The following DELE1 variants were observed in gnomAD, a reference collection of about 807,000 sequenced individuals.
DELE1 encodes the protein DAP3 binding cell death enhancer 1.
A neutral mutation model predicts 59.3 loss-of-function variants in DELE1; 54 were observed. The ratio of observed to expected loss-of-function variants is 0.91; its 90% CI spans 0.73 to 1.14. DELE1 has a LOEUF of 1.14. Among genes scored for constraint, DELE1 ranks in the 50% most tolerant of loss-of-function variants. The pLI is 0.00. For synonymous variants in DELE1, 264 were observed against 259.1 expected, an observed-to-expected ratio of 1.02 and a Z score of -0.18; for missense variants, 636 against 643.9, an observed-to-expected ratio of 0.99 and a Z score of 0.13.
chr5:141,925,374 T>G, intron 2 of DELE1, 36 bp from the exon 3 acceptor site: 1 of 1,433,850 alleles, frequency 7.0e-7, no homozygotes, highest in African/African-American at 1.4e-5. Context: ...GGTCTCCCTT[T>G]GCCCCTACTT....
rs746620409 is a variant in DELE1 at position 141,940,031 on chromosome 5, G to A, written c.*1272G>A. 24 of 985,408 alleles carry A rather than the reference G, an allele frequency of 2.4e-5. No individual in the cohort carries two copies. The highest frequency in any genetic ancestry group is 2.8e-5 in the Non-Finnish European group (23 of 829,886). The allele number at this position is 985,408 out of a possible 1,614,324, so 61.0% of individuals were successfully genotyped here. On this transcript the variant is annotated 3_prime_UTR_variant, in exon 12 of 12. Transcript: ENST00000432126. ...TTATGACTGTCCTACCCATGGGAGA[G>A]TAAATGTAGATTGAATGCTAGGAGT... is the stretch of plus-strand genomic sequence containing the variant.
At position 141,941,949 on chromosome 5, in the gene DELE1, C is replaced by A. The variant is rs1295093756; in HGVS notation, c.*3190C>A. On this transcript the variant is annotated 3_prime_UTR_variant, in exon 12 of 12. Transcript: ENST00000432126. ...ATAATTCTGTATTGCCCCCCACTCG[C>A]CGCCTATACACACGCACACACGCAC... The A allele has an allele frequency of 6.1e-6, 6 of 985,024 alleles. No homozygotes were observed. The South Asian group carries it at 2.8e-4, about 46-fold the overall frequency. The allele number at this position is 985,024 out of a possible 1,614,324, so 61.0% of individuals were successfully genotyped here. A position where few individuals can be genotyped will look rare whatever the true frequency, so the allele number is the denominator to read the frequency against.
At position 141,924,514 on chromosome 5, in the gene DELE1, G is replaced by T. The variant is rs1290102910; in HGVS notation, c.32-67G>T. 5 of 918,058 alleles carry T rather than the reference G, an allele frequency of 5.4e-6. No homozygotes were observed. The African/African-American group carries it at 6.5e-5, about 12-fold the overall frequency. The allele number at this position is 918,058 out of a possible 1,614,324, so 56.9% of individuals were successfully genotyped here. ...TGTGTATCCATGTTTAAGAACCTCT[G>T]CTGAGGCAGATGACAGTGATTCCTG... On this transcript the variant is annotated intron_variant, in intron 1 of 11. Transcript: ENST00000432126.
chr5:141,932,130 T>C (rs565585060), intron 7 of DELE1, among the ~76,000 whole-genome samples: 3 of 152,150 alleles, frequency 2.0e-5, no homozygotes, highest in Non-Finnish European at 4.4e-5. Flanking sequence ...TAAGCCTGAG[T>C]GTGGTCCGAA....
chr5:141,925,508 T>G lies in DELE1; in HGVS notation c.245T>G (p.Leu82Arg). ...WMSSRVSPNT[L>R]WDAISWGTLA... is the part of the protein sequence containing the mutation. ...TCTTCCCGTGTCTCCCCGAACACCC[T>G]ATGGGATGCCATATCTTGGGTAAGG... is the stretch of plus-strand genomic sequence containing the variant. The change falls in exon 3 of 12, where the codon CTA (leucine) becomes CGA (arginine). Residue 82 changes from leucine (L) to arginine (R), a missense_variant. Coordinates refer to ENST00000432126, the MANE Select transcript of DELE1 (RefSeq NM_014773.5). The G allele has an allele frequency of 6.3e-7, 1 of 1,594,010 alleles. No homozygotes were observed. Among genetic ancestry groups the G allele is most frequent in the South Asian group, 1.1e-5 (1 of 88,336 alleles).
chr5:141,927,707 AGCCTAATGG>A (rs1751532309), intron 3 of DELE1, among the ~76,000 whole-genome samples: 2 of 152,190 alleles, frequency 1.3e-5, no homozygotes, highest in African/African-American at 4.8e-5. Context: ...CTGGAAAGAG[AGCCTAATGG>A]GGAACTCTGA....
In DELE1 at chr5:141,938,833, CA is replaced by C. The variant is rs1308701813; in HGVS notation, c.*75del. The stretch of plus-strand genomic sequence containing the variant: ...AGGAGGTTGGATAACAAAAATAGAG[CA>C]TCAGCAACCCTTTCCAGGTAGAAAT... On this transcript the variant is annotated 3_prime_UTR_variant, in exon 12 of 12. Transcript: ENST00000432126. 1.3e-6 allele frequency: 2 copies of C among 1,512,272 alleles called. No homozygotes were observed. The highest frequency in any genetic ancestry group is 1.8e-6 in the Non-Finnish European group (2 of 1,135,988). The allele number at this position is 1,512,272 out of a possible 1,614,324, so 93.7% of individuals were successfully genotyped here. A position where few individuals can be genotyped will look rare whatever the true frequency, so the allele number is the denominator to read the frequency against.
Position 141,938,865 on chromosome 5 carries a change from C to T in DELE1, c.*106C>T, listed in dbSNP as rs543188591. On this transcript the variant is annotated 3_prime_UTR_variant, in exon 12 of 12. Transcript: ENST00000432126. ...AACCCTTTCCAGGTAGAAATTCCAG[C>T]GGGAGTTCAGGTTCCCAAGCAATTT... The T allele has an allele frequency of 2.0e-5, 30 of 1,495,248 alleles. No homozygotes were observed. The highest frequency in any genetic ancestry group is 7.0e-5 in the African/African-American group (5 of 71,574). 92.6% of individuals were successfully genotyped at this position (1,495,248 alleles called of 1,614,324 possible).
chr5:141,938,072 C>A (rs1325259706), intron 11 of DELE1, among the ~76,000 whole-genome samples: 1 of 151,860 alleles, frequency 6.6e-6, no homozygotes, highest in African/African-American at 2.4e-5. Flanking sequence ...GCGATCCACC[C>A]GCCTCGGCCT....
Position 141,940,261 on chromosome 5 carries a change from A to T in DELE1, c.*1502A>T. 4 of 985,434 alleles carry T rather than the reference A, an allele frequency of 4.1e-6. No homozygotes were observed. Among genetic ancestry groups the T allele is most frequent in the Non-Finnish European group, 4.8e-6 (4 of 829,938 alleles). 61.0% of individuals were successfully genotyped at this position (985,434 alleles called of 1,614,324 possible). A position where few individuals can be genotyped will look rare whatever the true frequency, so the allele number is the denominator to read the frequency against. ...AACTCTCCACTAACCAATTTAAAGG[A>T]TCTTAAAAGCTTCTCCAGGAGAGAG... On this transcript the variant is annotated 3_prime_UTR_variant, in exon 12 of 12. Coordinates refer to ENST00000432126, the MANE Select transcript of DELE1 (RefSeq NM_014773.5).
intron 1 of DELE1, 84 bp from the exon 2 acceptor site, chr5:141,924,497 C>T (rs1377260549): frequency 1.9e-5 from 15 of 790,778 alleles, no homozygotes. Context: ...CATGTGTATC[C>T]ATGTTTAAGA....
intron 3 of DELE1, among the ~76,000 whole-genome samples, chr5:141,926,733 G>A (rs1271586829): frequency 6.6e-6 from 1 of 152,216 alleles, no homozygotes; most frequent in Non-Finnish European, 1.5e-5. Flanking sequence ...GGGGAGCTGT[G>A]GACTAAGGCC....
chr5:141,937,770 C>CCAA (rs1752486054), intron 11 of DELE1, among the ~76,000 whole-genome samples: 1 of 61,268 alleles, frequency 1.6e-5, no homozygotes, highest in Non-Finnish European at 3.0e-5. Context: ...GATTCTGTTT[C>CCAA]AAAAAAAAAA....
intron 10 of DELE1, chr5:141,936,714 T>G: frequency 2.1e-5 from 5 of 234,784 alleles, no homozygotes; most frequent in Non-Finnish European, 2.8e-5. Flanking sequence ...ATTACAGGTG[T>G]GAGCCACCGC....
rs897965589 is a variant in DELE1, at chr5:141,936,912, C to T, written c.1150-286C>T. The T allele has an allele frequency of 7.1e-6, 7 of 985,240 alleles. No individual in the cohort carries two copies. In the African/African-American group the frequency reaches 1.0e-4, roughly 15 times the overall value. 61.0% of individuals were successfully genotyped at this position (985,240 alleles called of 1,614,324 possible). ...TAACTGGCCTGAGTGTTTCCTGTAG[C>T]CTTCGTTGTGCATGCTTTCAGCCAG... On this transcript the variant is annotated intron_variant, in intron 10 of 11. Transcript: ENST00000432126.
At chr5:141,938,134 GT>G (rs2126900725) in intron 11 of DELE1, among the ~76,000 whole-genome samples, 1 of 152,208 alleles carries the variant, frequency 6.6e-6, no homozygotes, top group East Asian at 1.9e-4. Flanking sequence ...TCAAACCTGA[GT>G]TTTAACCCCC....
intron 1 of DELE1, 49 bp from the exon 2 acceptor site, chr5:141,924,532 G>A: frequency 9.3e-7 from 1 of 1,070,990 alleles, no homozygotes; most frequent in Non-Finnish European, 1.5e-6. Flanking sequence ...AGATGACAGT[G>A]ATTCCTGGGT....
At chr5:141,924,959 G>T (rs1445097509) in intron 2 of DELE1, among the ~76,000 whole-genome samples, 2 of 144,726 alleles carry the variant, frequency 1.4e-5, no homozygotes, top group African/African-American at 5.1e-5. Context: ...ACAGAGTCTC[G>T]CTCTGTCGCC....
intron 3 of DELE1, 58 bp from the exon 4 acceptor site, chr5:141,928,093 C>A: frequency 6.4e-7 from 1 of 1,553,528 alleles, no homozygotes; most frequent in Non-Finnish European, 8.7e-7. Context: ...AGAATAAGGC[C>A]GGGTCTGATG....
Sources: gnomAD v4.1 joint callset for allele counts (sites outside exome capture counted in the v4.1 genomes callset) on GRCh38, gnomAD v4.1.1 for gene constraint, MANE v1.5 for transcripts, NCBI Gene and HGNC (gene_info 2026-07-23, HGNC 2026-07-21) for gene names.